The following AZI2 variants were observed in gnomAD, a reference collection of about 807,000 sequenced individuals.
The protein encoded by AZI2 is 5-azacytidine-induced protein 2.
A neutral mutation model predicts 45.8 loss-of-function variants in AZI2; 22 were observed. That is an observed-to-expected ratio of 0.48 (90% CI 0.34 to 0.69). The LOEUF (loss-of-function observed/expected upper bound fraction) is 0.69, where lower values mean the gene tolerates loss of function less well. Ranked by LOEUF, AZI2 falls within the 30% of genes least tolerant of loss-of-function variation. The pLI is 0.01. For missense variants in AZI2, 417 were observed against 441.5 expected (o/e 0.94, Z 0.50); for synonymous variants, 137 against 156.7 (o/e 0.87, Z 0.94).
chr3:28,334,747 G>C (rs549320288), intron 5 of AZI2, among the ~76,000 whole-genome samples: 1 of 151,978 alleles, frequency 6.6e-6, no homozygotes, highest in Admixed American at 6.6e-5. Context: ...TAGTGGAAAA[G>C]AATAACTAAA....
At chr3:28,334,726 C>T (rs890554576) in intron 5 of AZI2, among the ~76,000 whole-genome samples, 2 of 151,900 alleles carry the variant, frequency 1.3e-5, no homozygotes, top group Non-Finnish European at 2.9e-5. Flanking sequence ...AATTTATTCC[C>T]TAGCACCATC....
At position 28,336,978 on chromosome 3, in the gene AZI2, T is replaced by C. The variant is rs139752172; in HGVS notation, c.440-93A>G. On this transcript the variant is annotated intron_variant, in intron 4 of 7. Transcript: ENST00000479665. ...GGTTATTCTGGTAAAATGTAGATAA[T>C]AGAAAAACTAACATAAAACATATAT... 3.4e-4 allele frequency: 435 copies of C among 1,265,952 alleles called. 5 individuals carry two copies. In the African/African-American group the frequency reaches 4.9e-3, roughly 14 times the overall value. The allele number at this position is 1,265,952 out of a possible 1,614,324, so 78.4% of individuals were successfully genotyped here.
chr3:28,343,223 C>T (rs1242123238), intron 1 of AZI2, among the ~76,000 whole-genome samples: 1 of 151,934 alleles, frequency 6.6e-6, no homozygotes, highest in Non-Finnish European at 1.5e-5. Flanking sequence ...AAAGAAGATA[C>T]CACAAAAGAG....
intron 5 of AZI2, 77 bp from the exon 6 acceptor site, chr3:28,332,504 G>T: frequency 2.4e-6 from 3 of 1,234,384 alleles, no homozygotes; most frequent in Non-Finnish European, 3.5e-6. Flanking sequence ...TTTCTTACCA[G>T]AGACATGTTC....
intron 6 of AZI2, among the ~76,000 whole-genome samples, chr3:28,330,629 A>G (rs1458036976): frequency 1.3e-5 from 2 of 151,334 alleles, no homozygotes; most frequent in Non-Finnish European, 3.0e-5. Context: ...ATGCATGATA[A>G]AAGTTGACCA....
rs755222885 is a variant in AZI2 at position 28,326,960 on chromosome 3, A to T, written c.648-10T>A. ...ATGCTGCATATTATCACTGAAATAA[A>T]TTTTTTTACAAAAAGTTAATACTCA... On this transcript the variant is annotated splice_polypyrimidine_tract_variant and intron_variant, in intron 6 of 7. Transcript: ENST00000479665. 4.4e-6 allele frequency: 7 copies of T among 1,580,796 alleles called. No individual in the cohort carries two copies. The highest frequency in any genetic ancestry group is 2.3e-5 in the East Asian group (1 of 44,368).
intron 5 of AZI2, among the ~76,000 whole-genome samples, chr3:28,335,120 A>T (rs1703738614): frequency 6.6e-6 from 1 of 152,010 alleles, no homozygotes; most frequent in East Asian, 1.9e-4. Flanking sequence ...ACCTTCATGA[A>T]AAAAGGTATT....
chr3:28,344,856 G>A (rs1482629887), intron 1 of AZI2, among the ~76,000 whole-genome samples: 3 of 152,106 alleles, frequency 2.0e-5, no homozygotes, highest in African/African-American at 7.2e-5. Context: ...AGACTAGATA[G>A]TATTTTAAAT....
chr3:28,337,847 G>A, intron 4 of AZI2, 90 bp downstream of exon 4: 1 of 722,896 alleles, frequency 1.4e-6, no homozygotes, highest in South Asian at 3.2e-5. Flanking sequence ...TAAGGTCTTA[G>A]CATATGGATA....
chr3:28,334,311 A>C (rs542967144), intron 5 of AZI2, among the ~76,000 whole-genome samples: 5 of 151,944 alleles, frequency 3.3e-5, no homozygotes, highest in African/African-American at 1.2e-4. Flanking sequence ...TGTGAACATA[A>C]ATTTCTCTCC....
At chr3:28,344,168 T>C (rs1166688753) in intron 1 of AZI2, among the ~76,000 whole-genome samples, 1 of 152,036 alleles carries the variant, frequency 6.6e-6, no homozygotes, top group Non-Finnish European at 1.5e-5. Context: ...TAGCACCACA[T>C]ATATGTATCA....
intron 7 of AZI2, chr3:28,326,617 A>G: frequency 1.8e-6 from 1 of 541,636 alleles, no homozygotes; most frequent in Admixed American, 3.2e-5. Flanking sequence ...AAAAGAATAC[A>G]GTACTGAAGA....
In AZI2 at chr3:28,332,276, TAAGG is replaced by T. The variant is rs1300732560; in HGVS notation, c.647+89_647+92del. The T allele has an allele frequency of 3.0e-5, 34 of 1,143,962 alleles. No individual in the cohort carries two copies. The Admixed American group carries it at 3.0e-4, about 10-fold the overall frequency. The allele number at this position is 1,143,962 out of a possible 1,614,324, so 70.9% of individuals were successfully genotyped here. The stretch of plus-strand genomic sequence containing the variant: ...CCAAACAATATCCATTTTTTGTTTT[TAAGG>T]TTAAGTCATAAAAGAAATCTAAGGA... On this transcript the variant is annotated intron_variant, in intron 6 of 7. Transcript: ENST00000479665.
intron 1 of AZI2, among the ~76,000 whole-genome samples, chr3:28,347,617 A>G (rs1482701855): frequency 2.0e-5 from 3 of 152,216 alleles, no homozygotes; most frequent in Non-Finnish European, 2.9e-5. Context: ...ATCAGCATTC[A>G]GATACTGGTG....
intron 6 of AZI2, chr3:28,331,889 T>C (rs1190802972): frequency 1.3e-6 from 2 of 1,548,174 alleles, no homozygotes; most frequent in Non-Finnish European, 1.7e-6. Flanking sequence ...GAGGGAACAG[T>C]CCTCAAAATT....
At chr3:28,327,487 A>G (rs1436282623) in intron 6 of AZI2, among the ~76,000 whole-genome samples, 1 of 151,008 alleles carries the variant, frequency 6.6e-6, no homozygotes, top group Non-Finnish European at 1.5e-5. Flanking sequence ...CTGTCTCATA[A>G]TGTTGGTTCT....
intron 1 of AZI2, chr3:28,348,238 C>T (rs1210824308): frequency 6.6e-6 from 1 of 152,056 alleles, no homozygotes; most frequent in Non-Finnish European, 1.5e-5. Flanking sequence ...TAGCCAATGT[C>T]CCTCTTTTCT....
At chr3:28,346,735 C>T (rs1253831213) in intron 1 of AZI2, among the ~76,000 whole-genome samples, 2 of 152,114 alleles carry the variant, frequency 1.3e-5, no homozygotes, top group Non-Finnish European at 2.9e-5. Context: ...CTTACGAAGA[C>T]GAACAGACCA....
Position 28,322,040 on chromosome 3 carries a change from G to A in AZI2, c.*2002C>T, listed in dbSNP as rs2125627374. The stretch of plus-strand genomic sequence containing the variant: ...GCTACAGATGGGCCACTGTTTTTTG[G>A]TTGTTTGAATTTTACCTAGAACAGA... On this transcript the variant is annotated 3_prime_UTR_variant, in exon 8 of 8. Coordinates refer to ENST00000479665, the MANE Select transcript of AZI2 (RefSeq NM_022461.5). The A allele has an allele frequency of 6.6e-6, 1 of 151,310 alleles. No homozygotes were observed. The highest frequency in any genetic ancestry group is 1.9e-4 in the East Asian group (1 of 5,144). 9.4% of individuals were successfully genotyped at this position (151,310 alleles called of 1,614,324 possible). A position where few individuals can be genotyped will look rare whatever the true frequency, so the allele number is the denominator to read the frequency against.
Sources: allele counts gnomAD v4.1 joint callset (sites outside exome capture counted in the v4.1 genomes callset), GRCh38; gene constraint gnomAD v4.1.1; transcripts MANE v1.5; gene names NCBI Gene and HGNC (gene_info 2026-07-23, HGNC 2026-07-21).